GLI3: variants seen among roughly 807,000 people sequenced by gnomAD.
GLI3 encodes the protein transcription activator GLI3.
A neutral mutation model predicts 100.8 loss-of-function variants in GLI3; 20 were observed. That is an observed-to-expected ratio of 0.20 (90% CI 0.14 to 0.29). The LOEUF (loss-of-function observed/expected upper bound fraction) is 0.29, where lower values mean the gene tolerates loss of function less well. Among genes scored for constraint, GLI3 ranks in the 10% least tolerant of loss-of-function variants. GLI3 has a pLI of 1.00. For synonymous variants in GLI3, 938 were observed against 860.5 expected (o/e 1.09, Z -1.58); for missense variants, 2,040 against 2,128.5 (o/e 0.96, Z 0.82).
chr7:42,062,102 C>T (rs1275843480), intron 4 of GLI3, among the ~76,000 whole-genome samples: 2 of 152,132 alleles, frequency 1.3e-5, no homozygotes, highest in African/African-American at 4.8e-5. Context: ...GGACCATGGT[C>T]TTATCAAAAA....
intron 4 of GLI3, among the ~76,000 whole-genome samples, chr7:42,056,136 T>C (rs1286681258): frequency 2.6e-5 from 4 of 152,226 alleles, no homozygotes; most frequent in South Asian, 2.1e-4. Context: ...TCCATTAAAC[T>C]TCTTTCTTTT....
At chr7:42,247,618 C>T (rs1467072969) in intron 1 of GLI3, among the ~76,000 whole-genome samples, 9 of 152,366 alleles carry the variant, frequency 5.9e-5, no homozygotes, top group African/African-American at 1.9e-4. Flanking sequence ...TGGTCCAGTA[C>T]TTCATTCTAT....
Position 42,176,623 on chromosome 7 carries a change from G to C in GLI3, c.125-28155C>G, listed in dbSNP as rs577572979. On this transcript the variant is annotated intron_variant, in intron 2 of 14. Transcript: ENST00000395925. The stretch of plus-strand genomic sequence containing the variant: ...ATCTTTTATGGGTCTAAGACAATCT[G>C]CTTCTTTAGCCCTAGGCTATTGAGA... Among the ~76,000 whole-genome samples the C allele has an allele frequency of 1.1e-4, 17 of 152,342 alleles. No homozygotes were observed. In the East Asian group the frequency reaches 3.1e-3, roughly 28 times the overall value.
intron 3 of GLI3, among the ~76,000 whole-genome samples, chr7:42,135,733 TCCTCC>T (rs1786412536): frequency 6.6e-6 from 1 of 152,238 alleles, no homozygotes; most frequent in Non-Finnish European, 1.5e-5. Flanking sequence ...CATAAATCAT[TCCTCC>T]AACCTCTTCA....
At chr7:42,022,566 T>C (rs189034314) in intron 10 of GLI3, among the ~76,000 whole-genome samples, 27 of 152,252 alleles carry the variant, frequency 1.8e-4, no homozygotes, top group Non-Finnish European at 3.2e-4. Flanking sequence ...TATTAAAAGT[T>C]TAAAAAACTG....
At chr7:42,234,042 G>T (rs1354370231) in intron 1 of GLI3, among the ~76,000 whole-genome samples, 1 of 152,178 alleles carries the variant, frequency 6.6e-6, no homozygotes, top group East Asian at 1.9e-4. Context: ...GAATTCTTTA[G>T]CTGGGGATTT....
intron 2 of GLI3, among the ~76,000 whole-genome samples, chr7:42,207,513 G>A (rs1414604856): frequency 1.3e-5 from 2 of 152,184 alleles, no homozygotes; most frequent in African/African-American, 4.8e-5. Flanking sequence ...AACAGCTGAT[G>A]GAAATATAAG....
At chr7:42,060,864 C>T (rs182412390) in intron 4 of GLI3, among the ~76,000 whole-genome samples, 1 of 152,210 alleles carries the variant, frequency 6.6e-6, no homozygotes, top group East Asian at 1.9e-4. Flanking sequence ...GAAACTTATC[C>T]ATCATGATTT....
intron 2 of GLI3, among the ~76,000 whole-genome samples, chr7:42,167,556 G>A (rs533302274): frequency 2.0e-5 from 3 of 152,278 alleles, no homozygotes; most frequent in African/African-American, 7.2e-5. Flanking sequence ...ACACTTGAAA[G>A]ATTAAAGAAT....
chr7:42,230,907 A>C (rs768820257), intron 1 of GLI3, among the ~76,000 whole-genome samples: 2 of 152,244 alleles, frequency 1.3e-5, no homozygotes, highest in Non-Finnish European at 2.9e-5. Context: ...GTCAGTTATC[A>C]GTCTATAGAT....
At chr7:42,215,766 G>A (rs1204686184) in intron 2 of GLI3, among the ~76,000 whole-genome samples, 1 of 152,112 alleles carries the variant, frequency 6.6e-6, no homozygotes, top group African/African-American at 2.4e-5. Flanking sequence ...CCCAACTTGT[G>A]CCAATTTCAG....
intron 2 of GLI3, among the ~76,000 whole-genome samples, chr7:42,180,483 G>A (rs1341692783): frequency 1.3e-5 from 2 of 152,222 alleles, no homozygotes; most frequent in African/African-American, 4.8e-5. Context: ...TCTTTTCAGA[G>A]GATGGACATG....
chr7:42,039,215 G>C (rs1165699875), intron 7 of GLI3, among the ~76,000 whole-genome samples: 1 of 152,100 alleles, frequency 6.6e-6, no homozygotes, highest in Non-Finnish European at 1.5e-5. Context: ...TAAATGATCA[G>C]GTAATTCACC....
chr7:42,249,279 G>C (rs1018502976), intron 1 of GLI3, among the ~76,000 whole-genome samples: 1 of 152,184 alleles, frequency 6.6e-6, no homozygotes, highest in African/African-American at 2.4e-5. Context: ...GAAAGAATGG[G>C]AGGGGCTGTG....
chr7:42,015,935 G>A (rs1279811838), intron 10 of GLI3, among the ~76,000 whole-genome samples: 1 of 152,032 alleles, frequency 6.6e-6, no homozygotes, highest in African/African-American at 2.4e-5. Context: ...GCGACAAGAG[G>A]AAATATTTAG....
rs111935942 is a variant in GLI3, at chr7:42,018,879, C to G, written c.1497+4589G>C. On this transcript the variant is annotated intron_variant, in intron 10 of 14. Transcript: ENST00000395925. ...CCACCCAGTTGAAGCTGGGTGCTAA[C>G]AGAAATACATCTCACTTTCTCTGCG... Among the ~76,000 whole-genome samples the G allele has an allele frequency of 2.7e-3, 411 of 152,286 alleles. 5 individuals carry two copies. Among genetic ancestry groups the G allele is most frequent in the African/African-American group, 8.6e-3 (356 of 41,552 alleles).
chr7:42,210,528 A>C (rs998302697), intron 2 of GLI3, among the ~76,000 whole-genome samples: 1 of 152,124 alleles, frequency 6.6e-6, no homozygotes, highest in Non-Finnish European at 1.5e-5. Flanking sequence ...AGTCTGGAAT[A>C]GTGACTCAGC....
chr7:42,072,900 G>C (rs1263231997), intron 4 of GLI3, among the ~76,000 whole-genome samples: 2 of 152,132 alleles, frequency 1.3e-5, no homozygotes, highest in Admixed American at 6.5e-5. Flanking sequence ...TCTCTCAAAG[G>C]ATTTGAGAGA....
At chr7:42,237,594 C>T (rs917661613), upstream of GLI3, among the ~76,000 whole-genome samples, 2 of 151,476 alleles carry the variant, frequency 1.3e-5, no homozygotes, top group African/African-American at 2.4e-5. Flanking sequence ...CGCGCTCCTC[C>T]TCCCCCAAGT....
Sources: gnomAD v4.1 joint callset for allele counts (sites outside exome capture counted in the v4.1 genomes callset) on GRCh38, gnomAD v4.1.1 for gene constraint, MANE v1.5 for transcripts, NCBI Gene and HGNC (gene_info 2026-07-23, HGNC 2026-07-21) for gene names.